The following LRP1B variants were observed in gnomAD, a reference collection of about 807,000 sequenced individuals.
LRP1B encodes the protein low-density lipoprotein receptor-related protein 1B.
A neutral mutation model predicts 556.6 loss-of-function variants in LRP1B; 217 were observed. That is an observed-to-expected ratio of 0.39 (90% CI 0.35 to 0.44). The LOEUF (loss-of-function observed/expected upper bound fraction) is 0.44, where lower values mean the gene tolerates loss of function less well. LRP1B is among the 20% of genes least tolerant of loss of function. LRP1B has a pLI of 1.00. For missense variants in LRP1B, 5,053 were observed against 5,620.8 expected (o/e 0.90, Z 3.23); for synonymous variants, 2,047 against 1,865.8 (o/e 1.10, Z -2.50).
intron 34 of LRP1B, 115 bp downstream of exon 34, chr2:140,770,766 T>A: frequency 1.4e-6 from 1 of 720,660 alleles, no homozygotes. Context: ...CATTTCCTAA[T>A]AACTAGTTAA....
chr2:141,245,431 C>T (rs558897893), intron 5 of LRP1B, among the ~76,000 whole-genome samples: 1 of 152,240 alleles, frequency 6.6e-6, no homozygotes, highest in African/African-American at 2.4e-5. Context: ...CTAGTCTAGT[C>T]TTTTGCCCAG....
At chr2:141,048,948 T>A (rs1218431267) in intron 11 of LRP1B, 38 bp downstream of exon 11, 1 of 1,455,288 alleles carries the variant, frequency 6.9e-7, no homozygotes, top group South Asian at 1.1e-5. Flanking sequence ...GTGCTTCATC[T>A]CTGGGTAGTT....
At chr2:141,561,476 A>G (rs1686149198) in intron 2 of LRP1B, among the ~76,000 whole-genome samples, 2 of 151,842 alleles carry the variant, frequency 1.3e-5, no homozygotes, top group African/African-American at 4.8e-5. Flanking sequence ...AAAGATGGGA[A>G]TCTTGGAAAT....
At chr2:140,677,601 A>G (rs1300604690) in intron 41 of LRP1B, among the ~76,000 whole-genome samples, 1 of 152,106 alleles carries the variant, frequency 6.6e-6, no homozygotes, top group East Asian at 1.9e-4. Flanking sequence ...GGCCAGTGAC[A>G]GTAGCTCACA....
intron 15 of LRP1B, among the ~76,000 whole-genome samples, chr2:140,995,928 G>T (rs13021522): frequency 0.66 from 100,520 of 151,776 alleles, 33,932 homozygotes; most frequent in Non-Finnish European, 0.73. Flanking sequence ...TGGCAATCAA[G>T]GGTTAAAGTA....
At chr2:140,938,642 T>A (rs1289204631) in intron 20 of LRP1B, among the ~76,000 whole-genome samples, 1 of 152,098 alleles carries the variant, frequency 6.6e-6, no homozygotes, top group African/African-American at 2.4e-5. Flanking sequence ...AGTCAGTCTT[T>A]GGAACTTCAG....
At chr2:140,574,332 G>GTATTTTGGTTTGTGATTTAAACT (rs1558977201) in intron 43 of LRP1B, among the ~76,000 whole-genome samples, 1 of 152,092 alleles carries the variant, frequency 6.6e-6, no homozygotes, top group Non-Finnish European at 1.5e-5. Flanking sequence ...AATTGTTCTT[G>GTATTTTGGTTTGTGATTTAAACT]TATTTTGGTT....
intron 3 of LRP1B, among the ~76,000 whole-genome samples, chr2:141,336,618 A>G (rs1687858288): frequency 6.6e-6 from 1 of 152,160 alleles, no homozygotes; most frequent in East Asian, 1.9e-4. Flanking sequence ...ATTAATTTTA[A>G]TACACGTATA....
intron 2 of LRP1B, among the ~76,000 whole-genome samples, chr2:141,506,431 G>A (rs1683936519): frequency 6.6e-6 from 1 of 152,078 alleles, no homozygotes; most frequent in African/African-American, 2.4e-5. Context: ...AAAAACAACA[G>A]AAGTGTTAAT....
At chr2:141,649,651 T>A (rs980813911) in intron 2 of LRP1B, among the ~76,000 whole-genome samples, 7 of 152,198 alleles carry the variant, frequency 4.6e-5, no homozygotes, top group Non-Finnish European at 7.3e-5. Flanking sequence ...GCCTATGTAA[T>A]TCCAATACCT....
chr2:141,356,954 A>T (rs1688647540), intron 3 of LRP1B, among the ~76,000 whole-genome samples: 2 of 152,286 alleles, frequency 1.3e-5, no homozygotes, highest in South Asian at 2.1e-4. Flanking sequence ...CATTTCTGTC[A>T]TGATATGAAA....
At chr2:141,845,767 C>T (rs1697624971) in intron 1 of LRP1B, among the ~76,000 whole-genome samples, 2 of 151,702 alleles carry the variant, frequency 1.3e-5, no homozygotes, top group African/African-American at 4.8e-5. Flanking sequence ...GCAGAGCTAA[C>T]ATAGAAAAAT....
chr2:141,628,976 T>C (rs1015130055), intron 2 of LRP1B, among the ~76,000 whole-genome samples: 1 of 152,196 alleles, frequency 6.6e-6, no homozygotes, highest in African/African-American at 2.4e-5. Flanking sequence ...AGGATGTAGA[T>C]ACATTACTGC....
intron 2 of LRP1B, among the ~76,000 whole-genome samples, chr2:141,639,302 GTGTATATATATATATATATATATA>G (rs1303829373): frequency 0.056 from 1,858 of 33,022 alleles, 82 homozygotes; most frequent in African/African-American, 0.14. Context: ...CGCATCATGT[GTGTATATATATATATATATATATA>G]TATATATATA....
intron 86 of LRP1B, among the ~76,000 whole-genome samples, chr2:140,259,297 A>G (rs1397724135): frequency 2.6e-5 from 4 of 152,122 alleles, no homozygotes; most frequent in African/African-American, 9.7e-5. Flanking sequence ...TACAACAAAC[A>G]AAAGGCAAAG....
intron 3 of LRP1B, among the ~76,000 whole-genome samples, chr2:141,321,801 T>C (rs1293416715): frequency 6.6e-6 from 1 of 152,142 alleles, no homozygotes; most frequent in Non-Finnish European, 1.5e-5. Flanking sequence ...ATTTTAAATT[T>C]GTAGTTTACA....
chr2:142,033,133 T>G (rs1397327100), intron 1 of LRP1B, among the ~76,000 whole-genome samples: 1 of 151,816 alleles, frequency 6.6e-6, no homozygotes, highest in Admixed American at 6.6e-5. Flanking sequence ...CCATTGAGAA[T>G]CACTAGCATC....
At chr2:141,489,032 A>G (rs907221199) in intron 2 of LRP1B, among the ~76,000 whole-genome samples, 1 of 147,716 alleles carries the variant, frequency 6.8e-6, no homozygotes, top group Non-Finnish European at 1.5e-5. Flanking sequence ...GCTGGAGTGC[A>G]GTGGCATGAT....
intron 15 of LRP1B, among the ~76,000 whole-genome samples, chr2:141,002,574 T>G (rs1377050808): frequency 6.6e-6 from 1 of 152,096 alleles, no homozygotes; most frequent in East Asian, 1.9e-4. Flanking sequence ...TGACTTATAA[T>G]ACCTAATACA....
Sources: gnomAD v4.1 joint callset for allele counts (sites outside exome capture counted in the v4.1 genomes callset) on GRCh38, gnomAD v4.1.1 for gene constraint, MANE v1.5 for transcripts, NCBI Gene and HGNC (gene_info 2026-07-23, HGNC 2026-07-21) for gene names.